SGCZ: variants seen among roughly 807,000 people sequenced by gnomAD.
The protein encoded by SGCZ is sarcoglycan zeta.
SGCZ carries 40 observed loss-of-function variants against 41.3 expected under a neutral mutation model. That is an observed-to-expected ratio of 0.97 (90% CI 0.75 to 1.26). The LOEUF (loss-of-function observed/expected upper bound fraction) is 1.26, where lower values mean the gene tolerates loss of function less well. Among genes scored for constraint, SGCZ ranks in the 50% most tolerant of loss-of-function variants. The pLI is 0.00. For missense variants in SGCZ, 552 were observed against 369.8 expected (o/e 1.49, Z -4.04); for synonymous variants, 206 against 137.5 (o/e 1.50, Z -3.49).
intron 4 of SGCZ, among the ~76,000 whole-genome samples, chr8:14,189,454 T>C (rs1021646600): frequency 6.6e-6 from 1 of 152,200 alleles, no homozygotes; most frequent in African/African-American, 2.4e-5. Context: ...CTCTGCTTTA[T>C]TCCCAATAAT....
At chr8:14,784,364 T>A (rs545806493) in intron 1 of SGCZ, among the ~76,000 whole-genome samples, 1 of 151,662 alleles carries the variant, frequency 6.6e-6, no homozygotes, top group East Asian at 2.0e-4. Flanking sequence ...TTTTCAATTA[T>A]GTATATATAT....
intron 1 of SGCZ, among the ~76,000 whole-genome samples, chr8:14,997,961 A>G (rs1299040105): frequency 2.0e-5 from 3 of 151,642 alleles, no homozygotes; most frequent in Non-Finnish European, 2.9e-5. Flanking sequence ...CTCTGTCACA[A>G]AAGGAAAAAA....
chr8:14,735,928 A>G (rs1036608599), intron 1 of SGCZ, among the ~76,000 whole-genome samples: 1 of 152,104 alleles, frequency 6.6e-6, no homozygotes, highest in Admixed American at 6.6e-5. Context: ...AGTGATCAGT[A>G]TGAGCAAAGA....
At chr8:14,679,857 C>T (rs960301079) in intron 1 of SGCZ, among the ~76,000 whole-genome samples, 1 of 151,884 alleles carries the variant, frequency 6.6e-6, no homozygotes, top group South Asian at 2.1e-4. Flanking sequence ...CTTTGATACC[C>T]ATTTTTTCTC....
chr8:14,538,688 C>T (rs1405944315), intron 2 of SGCZ, among the ~76,000 whole-genome samples: 3 of 151,886 alleles, frequency 2.0e-5, no homozygotes, highest in Admixed American at 1.3e-4. Context: ...CTGTTCATTA[C>T]TGGAGCATAA....
chr8:14,789,217 A>G (rs1642845967), intron 1 of SGCZ, among the ~76,000 whole-genome samples: 1 of 152,064 alleles, frequency 6.6e-6, no homozygotes, highest in African/African-American at 2.4e-5. Context: ...GGAGCACAAG[A>G]TGCAAAAAAA....
At chr8:14,842,081 G>A (rs1055008968) in intron 1 of SGCZ, among the ~76,000 whole-genome samples, 1 of 152,130 alleles carries the variant, frequency 6.6e-6, no homozygotes, top group Non-Finnish European at 1.5e-5. Context: ...GTAAGACGAT[G>A]ATAAAACAAA....
intron 4 of SGCZ, among the ~76,000 whole-genome samples, chr8:14,228,748 TTATA>T (rs1383713286): frequency 6.6e-6 from 1 of 152,068 alleles, no homozygotes; most frequent in Non-Finnish European, 1.5e-5. Flanking sequence ...TCACCCTCAT[TTATA>T]TACCCTCAAG....
At chr8:14,852,854 A>G (rs1009991563) in intron 1 of SGCZ, among the ~76,000 whole-genome samples, 4 of 152,140 alleles carry the variant, frequency 2.6e-5, no homozygotes, top group African/African-American at 9.7e-5. Flanking sequence ...TTCCTGTGGT[A>G]TTGTTCCCAG....
intron 1 of SGCZ, among the ~76,000 whole-genome samples, chr8:14,617,854 G>GTGTGTA (rs1423629342): frequency 1.6e-4 from 15 of 92,910 alleles, no homozygotes; most frequent in Non-Finnish European, 2.2e-4. Flanking sequence ...GTGTTTATGT[G>GTGTGTA]TGTGTGTGTG....
chr8:14,640,545 T>C (rs1806986578), intron 1 of SGCZ, among the ~76,000 whole-genome samples: 1 of 151,738 alleles, frequency 6.6e-6, no homozygotes, highest in Non-Finnish European at 1.5e-5. Flanking sequence ...TATTCCTCTG[T>C]TTTTAACTTT....
At chr8:14,550,761 T>C (rs1383098855) in intron 2 of SGCZ, among the ~76,000 whole-genome samples, 1 of 152,022 alleles carries the variant, frequency 6.6e-6, no homozygotes, top group Admixed American at 6.6e-5. Flanking sequence ...TAGAAGGACA[T>C]ACATCATATT....
At chr8:15,225,371 A>G (rs1173656218) in intron 1 of SGCZ, among the ~76,000 whole-genome samples, 2 of 152,212 alleles carry the variant, frequency 1.3e-5, no homozygotes, top group African/African-American at 4.8e-5. Context: ...TAGGAAATAT[A>G]TAAGAAAAGA....
rs1803375282 is a variant in SGCZ, at chr8:14,538,900, G to C, written c.234+15832C>G. 1.3e-5 allele frequency among the ~76,000 whole-genome samples: 2 copies of C among 151,852 alleles called. 1 individual carries two copies. Among genetic ancestry groups the C allele is most frequent in the South Asian group, 4.2e-4 (2 of 4,818 alleles). Reference sequence around the variant, plus strand: ...CAATAGGAAGGGTGGATTTGAAGTAGGTCAATTAGAAAGCTATTTAAATTA... The same window carrying C: ...CAATAGGAAGGGTGGATTTGAAGTACGTCAATTAGAAAGCTATTTAAATTA... On this transcript the variant is annotated intron_variant, in intron 2 of 7. Transcript: ENST00000382080.
At chr8:14,236,025 T>C (rs893477120) in intron 4 of SGCZ, among the ~76,000 whole-genome samples, 8 of 152,198 alleles carry the variant, frequency 5.3e-5, no homozygotes, top group Non-Finnish European at 7.3e-5. Flanking sequence ...CTTCTTTTTA[T>C]ATCAAGGACT....
At chr8:14,893,770 T>C (rs886413010) in intron 1 of SGCZ, among the ~76,000 whole-genome samples, 1 of 152,176 alleles carries the variant, frequency 6.6e-6, no homozygotes, top group Non-Finnish European at 1.5e-5. Flanking sequence ...AAACAACATG[T>C]TAAACAATTT....
chr8:14,844,271 T>C (rs117495771), intron 1 of SGCZ, among the ~76,000 whole-genome samples: 2,898 of 152,254 alleles, frequency 0.019, 57 homozygotes, highest in Middle Eastern at 0.055. Flanking sequence ...TTCACTGTTA[T>C]ATATCTTCTC....
intron 1 of SGCZ, among the ~76,000 whole-genome samples, chr8:14,600,248 C>G (rs150469746): frequency 0.017 from 2,603 of 152,268 alleles, 27 homozygotes; most frequent in Middle Eastern, 0.027. Context: ...CACCCAGGCT[C>G]TACTCCCTTG....
chr8:14,507,359 A>C (rs2117065885), intron 2 of SGCZ, among the ~76,000 whole-genome samples: 1 of 152,260 alleles, frequency 6.6e-6, no homozygotes, highest in East Asian at 1.9e-4. Context: ...CTGCCTGTAT[A>C]ATTAAAATCT....
Sources: allele counts gnomAD v4.1 joint callset (sites outside exome capture counted in the v4.1 genomes callset), GRCh38; gene constraint gnomAD v4.1.1; transcripts MANE v1.5; gene names NCBI Gene and HGNC (gene_info 2026-07-23, HGNC 2026-07-21).